The following ABCG8 variants were observed in gnomAD, a reference collection of about 807,000 sequenced individuals.
ABCG8 encodes the protein ATP binding cassette subfamily G member 8.
A neutral mutation model predicts 71.3 loss-of-function variants in ABCG8; 81 were observed. The ratio of observed to expected loss-of-function variants is 1.14; its 90% confidence interval spans 0.95 to 1.37. The LOEUF is 1.37. ABCG8 is among the 40% of genes most tolerant of loss of function. ABCG8 has a pLI of 0.00. For missense variants in ABCG8, 1,119 were observed against 866.2 expected (o/e 1.29, Z -3.66); for synonymous variants, 451 against 354.7 (o/e 1.27, Z -3.05).
chr2:43,854,781 T>A (rs1440600331), intron 6 of ABCG8, among the ~76,000 whole-genome samples: 1 of 152,206 alleles, frequency 6.6e-6, no homozygotes, highest in Non-Finnish European at 1.5e-5. Flanking sequence ...AGATCCTGGC[T>A]GTGGCTGGGC....
Position 43,881,752 on chromosome 2 carries a change from G to A in ABCG8, c.*3839G>A, listed in dbSNP as rs1483368073. The A allele has an allele frequency of 6.6e-6, 1 of 151,412 alleles. No individual in the cohort carries two copies. Among genetic ancestry groups the A allele is most frequent in the Non-Finnish European group, 1.5e-5 (1 of 67,972 alleles). The allele number at this position is 151,412 out of a possible 1,614,324, so 9.4% of individuals were successfully genotyped here. A position where few individuals can be genotyped will look rare whatever the true frequency, so the allele number is the denominator to read the frequency against. On this transcript the variant is annotated 3_prime_UTR_variant, in exon 13 of 13. Transcript: ENST00000272286. ...CCAAGGCTCTCGAGGCATGCATGCTGTTCAGCGAGCCCTGCCCTGCATTGC... is the reference window on the plus strand; with the variant it reads ...CCAAGGCTCTCGAGGCATGCATGCTATTCAGCGAGCCCTGCCCTGCATTGC...
intron 6 of ABCG8, among the ~76,000 whole-genome samples, chr2:43,856,631 G>A (rs555145986): frequency 3.3e-5 from 5 of 149,698 alleles, no homozygotes; most frequent in East Asian, 2.0e-4. Context: ...CTCTCTATCC[G>A]GATAGAATTC....
chr2:43,870,875 A>G (rs78579904), intron 6 of ABCG8, among the ~76,000 whole-genome samples: 8,138 of 151,448 alleles, frequency 0.054, 250 homozygotes, highest in Middle Eastern at 0.11. Flanking sequence ...TCTCTGTCTC[A>G]TTAGATCTCT....
rs373560827 is a variant in ABCG8 at position 43,873,928 on chromosome 2, C to T, written c.1353C>T (p.Leu451=). The change falls in exon 9 of 13, where the codon CTC becomes CTT. Residue 451 remains leucine (L), a synonymous_variant. Coordinates refer to ENST00000272286, the MANE Select transcript of ABCG8 (RefSeq NM_022437.3). ...TCTCCTTCATGGATACAGCCGCCCT[C>T]TTGTTCATGATCGGTGCTCTCATCC... is the stretch of plus-strand genomic sequence containing the variant. ...IQLSFMDTAA[L]LFMIGALIPF... is the part of the protein sequence containing the mutation. 81 of 1,614,074 alleles carry T rather than the reference C, an allele frequency of 5.0e-5. No homozygotes were observed. Among genetic ancestry groups the T allele is most frequent in the Non-Finnish European group, 6.7e-5 (79 of 1,180,054 alleles).
At chr2:43,847,980 A>T (rs1015009811) in intron 3 of ABCG8, 1 of 151,612 alleles carries the variant, frequency 6.6e-6, no homozygotes, top group Non-Finnish European at 1.5e-5. Context: ...GGCCAGGCTG[A>T]TCTCCAACTC....
intron 6 of ABCG8, among the ~76,000 whole-genome samples, chr2:43,857,553 TCCTCA>T (rs1669157037): frequency 6.6e-6 from 1 of 151,356 alleles, no homozygotes; most frequent in African/African-American, 2.4e-5. Context: ...CTGGATAGAA[TCCTCA>T]CTATCTGGAT....
At chr2:43,859,413 C>T (rs940874330) in intron 6 of ABCG8, among the ~76,000 whole-genome samples, 2 of 151,470 alleles carry the variant, frequency 1.3e-5, no homozygotes, top group Non-Finnish European at 3.0e-5. Context: ...GGATAGAATT[C>T]TCACTCTGCA....
intron 2 of ABCG8, among the ~76,000 whole-genome samples, 157 bp from the exon 3 acceptor site, chr2:43,845,998 G>A (rs533798478): frequency 2.2e-4 from 33 of 152,306 alleles, no homozygotes; most frequent in African/African-American, 6.5e-4. Flanking sequence ...TCCTGCTTCC[G>A]TGTTTGGTAG....
intron 6 of ABCG8, among the ~76,000 whole-genome samples, chr2:43,865,604 T>C (rs1247816701): frequency 1.3e-5 from 2 of 150,114 alleles, no homozygotes; most frequent in African/African-American, 4.9e-5. Flanking sequence ...ACCCTCTAGA[T>C]AGAACTCTCA....
In ABCG8 at chr2:43,839,060, G is replaced by A. The variant is rs1009122651; in HGVS notation, c.7G>A (p.Gly3Arg). The change falls in exon 1 of 13, where the codon GGG (glycine) becomes AGG (arginine). Residue 3 changes from glycine to arginine, a missense_variant. By Grantham distance (125) the Gly-to-Arg change is moderately radical. Transcript: ENST00000272286. Reference sequence around the variant, plus strand: ...TCACAGACCTGTGGGCCCCATGGCCGGGAAGGCGGCAGAGGAGAGAGGGCT... The same window carrying A: ...TCACAGACCTGTGGGCCCCATGGCCAGGAAGGCGGCAGAGGAGAGAGGGCT... MA[G>R]KAAEERGLPK... 15 of 1,550,902 alleles carry A rather than the reference G, an allele frequency of 9.7e-6. No homozygotes were observed. The highest frequency in any genetic ancestry group is 1.7e-4 in the Middle Eastern group (1 of 5,922).
At chr2:43,866,514 C>G (rs1341230291) in intron 6 of ABCG8, among the ~76,000 whole-genome samples, 2 of 151,930 alleles carry the variant, frequency 1.3e-5, no homozygotes, top group Non-Finnish European at 2.9e-5. Context: ...AAACAAACAA[C>G]CCCATCAAAA....
intron 1 of ABCG8, among the ~76,000 whole-genome samples, chr2:43,842,966 CT>C (rs1668627339): frequency 6.6e-6 from 1 of 152,234 alleles, no homozygotes; most frequent in South Asian, 2.1e-4. Context: ...TTTCCGAGAA[CT>C]TCTGGCCCCC....
chr2:43,839,921 G>A (rs1362136994), intron 1 of ABCG8, among the ~76,000 whole-genome samples: 1 of 152,206 alleles, frequency 6.6e-6, no homozygotes, highest in Non-Finnish European at 1.5e-5. Context: ...CTGCGAGAAA[G>A]CTGGAAGGAG....
intron 6 of ABCG8, among the ~76,000 whole-genome samples, chr2:43,854,160 G>A (rs1669020650): frequency 1.3e-5 from 2 of 152,224 alleles, no homozygotes; most frequent in Admixed American, 1.3e-4. Context: ...AAGGGGCTCT[G>A]GCCTGCAAGC....
chr2:43,846,792 A>G (rs1037625616), intron 3 of ABCG8: 1 of 186,616 alleles, frequency 5.4e-6, no homozygotes, highest in African/African-American at 2.3e-5. Flanking sequence ...AGGTTCTTGG[A>G]GTGCCTCAAA....
Position 43,878,719 on chromosome 2 carries a change from G to T in ABCG8, c.*806G>T, listed in dbSNP as rs536658142. ...CAGAAGACAAATGGGGTCTGTAGAGGCTGTTAACTCAGCCAGGCTTCTTAG... is the reference window on the plus strand; with the variant it reads ...CAGAAGACAAATGGGGTCTGTAGAGTCTGTTAACTCAGCCAGGCTTCTTAG... On this transcript the variant is annotated 3_prime_UTR_variant, in exon 13 of 13. Transcript: ENST00000272286. The T allele has an allele frequency of 6.6e-6, 1 of 152,442 alleles. No homozygotes were observed. Among genetic ancestry groups the T allele is most frequent in the Non-Finnish European group, 1.5e-5 (1 of 68,252 alleles). The allele number at this position is 152,442 out of a possible 1,614,324, so 9.4% of individuals were successfully genotyped here.
rs111949421 is a variant in ABCG8, at chr2:43,873,620, C to G, written c.1212-167C>G. On this transcript the variant is annotated intron_variant, in intron 8 of 12. Transcript: ENST00000272286. ...TTGAGTACCTACTGTGGGACAGATG[C>G]TGTCATCAGTTTTCTGATTTAATCC... 8.2e-3 allele frequency among the ~76,000 whole-genome samples: 1,254 copies of G among 152,250 alleles called. 27 individuals are homozygous for G. The highest frequency in any genetic ancestry group is 0.028 in the African/African-American group (1,151 of 41,546).
intron 1 of ABCG8, among the ~76,000 whole-genome samples, chr2:43,843,716 G>C (rs1668651165): frequency 1.3e-5 from 2 of 152,150 alleles, no homozygotes; most frequent in Admixed American, 1.3e-4. Flanking sequence ...TGGTTTAAAT[G>C]ATTGAATTGT....
intron 1 of ABCG8, among the ~76,000 whole-genome samples, chr2:43,839,553 A>T (rs1394284412): frequency 6.7e-6 from 1 of 150,304 alleles, no homozygotes; most frequent in African/African-American, 2.4e-5. Context: ...CAGCCTCCCA[A>T]GTAGCTGAGA....
Sources: allele counts gnomAD v4.1 joint callset (sites outside exome capture counted in the v4.1 genomes callset), GRCh38; gene constraint gnomAD v4.1.1; transcripts MANE v1.5; gene names NCBI Gene and HGNC (gene_info 2026-07-23, HGNC 2026-07-21).